The following ARNT2 variants were observed in gnomAD, a reference collection of about 807,000 sequenced individuals.
ARNT2 encodes the protein aryl hydrocarbon receptor nuclear translocator 2.
ARNT2 carries 36 observed loss-of-function variants against 91.7 expected under a neutral mutation model. The ratio of observed to expected loss-of-function variants is 0.39; its 90% CI spans 0.30 to 0.52. The LOEUF (loss-of-function observed/expected upper bound fraction) is 0.52. Ranked by LOEUF, ARNT2 falls within the 20% of genes least tolerant of loss-of-function variation. The pLI, the probability that ARNT2 is intolerant of heterozygous loss-of-function variation, is 0.72. For synonymous variants in ARNT2, 365 were observed against 347.1 expected, an observed-to-expected ratio of 1.05 and a Z score of -0.57; for missense variants, 775 against 939.3, an observed-to-expected ratio of 0.83 and a Z score of 2.29.
intron 6 of ARNT2, among the ~76,000 whole-genome samples, chr15:80,511,178 A>G (rs1272250407): frequency 2.6e-5 from 4 of 152,208 alleles, no homozygotes; most frequent in African/African-American, 4.8e-5. Context: ...CGTATACACC[A>G]TGGAATACTA....
At chr15:80,419,635 T>C (rs910123982) in intron 1 of ARNT2, among the ~76,000 whole-genome samples, 2 of 152,210 alleles carry the variant, frequency 1.3e-5, no homozygotes, top group African/African-American at 4.8e-5. Context: ...GGCATTGACA[T>C]GGCATGGTGC....
At chr15:80,509,385 A>T (rs28684821) in intron 6 of ARNT2, among the ~76,000 whole-genome samples, 7,775 of 152,062 alleles carry the variant, frequency 0.051, 470 homozygotes, top group African/African-American at 0.14. Context: ...GAGGTTGCAG[A>T]GAGCTGAGAT....
chr15:80,574,463 G>C (rs1219977893), intron 13 of ARNT2, among the ~76,000 whole-genome samples: 1 of 152,186 alleles, frequency 6.6e-6, no homozygotes, highest in Non-Finnish European at 1.5e-5. Flanking sequence ...CAACCTAAGG[G>C]CTGAGGGACA....
intron 16 of ARNT2, among the ~76,000 whole-genome samples, chr15:80,580,829 G>A (rs1203117220): frequency 6.6e-6 from 1 of 152,210 alleles, no homozygotes; most frequent in East Asian, 1.9e-4. Flanking sequence ...TCAAGAATGA[G>A]CCCCTCACTA....
intron 1 of ARNT2, among the ~76,000 whole-genome samples, chr15:80,446,642 G>A (rs975053082): frequency 2.6e-5 from 4 of 152,180 alleles, no homozygotes; most frequent in South Asian, 2.1e-4. Flanking sequence ...AGGGCTGACC[G>A]GTCCCTGCCG....
chr15:80,453,850 T>C (rs902487776), intron 2 of ARNT2, among the ~76,000 whole-genome samples: 5 of 152,096 alleles, frequency 3.3e-5, no homozygotes, highest in Non-Finnish European at 7.4e-5. Context: ...GCAAGGACCT[T>C]CCCACACCCC....
At chr15:80,583,333 C>G (rs1247554319) in intron 17 of ARNT2, among the ~76,000 whole-genome samples, 1 of 152,228 alleles carries the variant, frequency 6.6e-6, no homozygotes, top group East Asian at 1.9e-4. Flanking sequence ...GGCCACTTCC[C>G]TGCCCCAACC....
rs8033350 is a variant in ARNT2 at position 80,470,471 on chromosome 15, A to G, written c.408+40A>G. ...ACATCACCATTGGAAAGCGGGGGGA[A>G]TCCCAGCGTCACCAAGACGAAATAA... On this transcript the variant is annotated intron_variant, in intron 4 of 18. Coordinates refer to ENST00000303329, the MANE Select transcript of ARNT2 (RefSeq NM_014862.4). 1,554 of 1,598,252 alleles carry G rather than the reference A, an allele frequency of 9.7e-4. 14 individuals carry two copies. In the African/African-American group the frequency reaches 0.015, roughly 15 times the overall value.
intron 16 of ARNT2, 62 bp downstream of exon 16, chr15:80,580,611 T>C: frequency 1.9e-6 from 3 of 1,605,542 alleles, no homozygotes; most frequent in Non-Finnish European, 1.7e-6. Context: ...CTCTGGGAAG[T>C]GTTTTCTTTG....
chr15:80,507,149 T>C (rs979832223), intron 5 of ARNT2, among the ~76,000 whole-genome samples: 1 of 152,026 alleles, frequency 6.6e-6, no homozygotes, highest in African/African-American at 2.4e-5. Context: ...TCCCCTAAGA[T>C]GGAAGAGATT....
chr15:80,469,823 C>T (rs1353343222), intron 3 of ARNT2, among the ~76,000 whole-genome samples: 1 of 152,172 alleles, frequency 6.6e-6, no homozygotes, highest in Non-Finnish European at 1.5e-5. Flanking sequence ...CCATGTTGGT[C>T]AGGCTGGTCT....
intron 8 of ARNT2, among the ~76,000 whole-genome samples, chr15:80,528,378 C>CTATG (rs1195340404): frequency 6.6e-6 from 1 of 151,222 alleles, no homozygotes; most frequent in Non-Finnish European, 1.5e-5. Flanking sequence ...ATCTATCTAT[C>CTATG]TATCTATCTA....
chr15:80,597,258 T>C lies in ARNT2; in HGVS notation c.*3560T>C, dbSNP rs1176406715. On this transcript the variant is annotated 3_prime_UTR_variant, in exon 19 of 19. Coordinates refer to ENST00000303329, the MANE Select transcript of ARNT2 (RefSeq NM_014862.4). The stretch of plus-strand genomic sequence containing the variant: ...AGGCAGCCCATAAGCTATGCGAGAA[T>C]GTGAACGCTCACCTTGCTCCGTCAC... 2 of 518,290 alleles carry C rather than the reference T, an allele frequency of 3.9e-6. No homozygotes were observed. Among genetic ancestry groups the C allele is most frequent in the Non-Finnish European group, 7.7e-6 (2 of 259,800 alleles). The allele number at this position is 518,290 out of a possible 1,614,324, so 32.1% of individuals were successfully genotyped here.
rs532528931 is a variant in ARNT2 at position 80,454,506 on chromosome 15, G to A, written c.147-3423G>A. ...AGCCATCTCCCTCTAAGGTAACCCT[G>A]GGAGCTGCTGGAATGTGGTCAAATT... On this transcript the variant is annotated intron_variant, in intron 2 of 18. Coordinates refer to ENST00000303329, the MANE Select transcript of ARNT2 (RefSeq NM_014862.4). Among the ~76,000 whole-genome samples the A allele has an allele frequency of 1.1e-4, 17 of 152,286 alleles. No homozygotes were observed. The South Asian group carries it at 3.3e-3, about 30-fold the overall frequency.
At position 80,563,144 on chromosome 15, in the gene ARNT2, C is replaced by G; in HGVS notation, c.1221C>G (p.Asn407Lys). The G allele has an allele frequency of 6.2e-7, 1 of 1,614,172 alleles. No individual in the cohort carries two copies. Among genetic ancestry groups the G allele is most frequent in the Non-Finnish European group, 8.5e-7 (1 of 1,180,040 alleles). ...LSVMYRFRTK[N>K]REWMLIRTSS... ...TCATGTATCGATTTCGCACCAAGAA[C>G]CGGGAGTGGATGTTGATCCGCACCA... is the stretch of plus-strand genomic sequence containing the variant. Residue 407 changes from asparagine to lysine, a missense_variant, in exon 12 of 19, where the codon AAC becomes AAG. Physicochemically the swap from Asn to Lys is moderately conservative, Grantham distance 94 (BLOSUM62 0). Around this residue, in one of 5 missense-constraint regions of ARNT2, gnomAD observed 285 missense variants for 327.2 expected, o/e 0.87. Coordinates refer to ENST00000303329, the MANE Select transcript of ARNT2 (RefSeq NM_014862.4).
intron 4 of ARNT2, among the ~76,000 whole-genome samples, chr15:80,472,186 T>C (rs1472529113): frequency 6.6e-6 from 1 of 152,076 alleles, no homozygotes; most frequent in African/African-American, 2.4e-5. Flanking sequence ...ATGTAGGGTA[T>C]AGGGTCCTAA....
chr15:80,427,283 G>A (rs1895947689), intron 1 of ARNT2, among the ~76,000 whole-genome samples: 1 of 152,162 alleles, frequency 6.6e-6, no homozygotes, highest in Non-Finnish European at 1.5e-5. Context: ...CTTATGCACA[G>A]GAGTTTTGTG....
intron 1 of ARNT2, among the ~76,000 whole-genome samples, chr15:80,435,126 G>A (rs372952861): frequency 4.6e-5 from 7 of 152,238 alleles, no homozygotes; most frequent in Admixed American, 2.0e-4. Context: ...AGTGTCTGCA[G>A]ATACAGCCAA....
chr15:80,563,498 C>G (rs1483155752), intron 12 of ARNT2, among the ~76,000 whole-genome samples: 1 of 152,216 alleles, frequency 6.6e-6, no homozygotes. Context: ...GTGCAAGGTG[C>G]TCCAGTTTCT....
Sources: allele counts gnomAD v4.1 joint callset (sites outside exome capture counted in the v4.1 genomes callset), GRCh38; gene constraint gnomAD v4.1.1; regional missense constraint gnomAD v4.1.1; transcripts MANE v1.5; gene names NCBI Gene and HGNC (gene_info 2026-07-23, HGNC 2026-07-21).